Variants in HS6ST3 observed in about 807,000 individuals in gnomAD.
The protein encoded by HS6ST3 is heparan-sulfate 6-O-sulfotransferase 3.
Under a neutral mutation model 36.7 loss-of-function variants are expected in HS6ST3, and 12 were observed. The ratio of observed to expected loss-of-function variants is 0.33; its 90% confidence interval spans 0.21 to 0.53. HS6ST3 has a LOEUF of 0.53. Among genes scored for constraint, HS6ST3 ranks in the 20% least tolerant of loss-of-function variants. The pLI, the probability that HS6ST3 is intolerant of heterozygous loss-of-function variation, is 0.95. For synonymous variants in HS6ST3, 240 were observed against 257.5 expected (o/e 0.93, Z 0.65); for missense variants, 584 against 640.9 (o/e 0.91, Z 0.96).
intron 1 of HS6ST3, among the ~76,000 whole-genome samples, chr13:96,362,050 C>T (rs944674804): frequency 2.0e-5 from 3 of 152,082 alleles, no homozygotes; most frequent in Admixed American, 1.3e-4. Flanking sequence ...AGTTTGAGAA[C>T]TGCAGTGCTA....
chr13:96,115,314 A>T (rs375744683), intron 1 of HS6ST3, among the ~76,000 whole-genome samples: 7 of 152,306 alleles, frequency 4.6e-5, no homozygotes, highest in African/African-American at 1.7e-4. Flanking sequence ...ATACACGTAC[A>T]GAATGTACAG....
intron 1 of HS6ST3, among the ~76,000 whole-genome samples, chr13:96,207,699 G>A (rs1160747344): frequency 2.0e-5 from 3 of 152,142 alleles, no homozygotes; most frequent in East Asian, 1.9e-4. Context: ...GGAATTGGAA[G>A]CCATTATCTT....
At chr13:96,313,853 T>C (rs2054954300) in intron 1 of HS6ST3, among the ~76,000 whole-genome samples, 1 of 151,734 alleles carries the variant, frequency 6.6e-6, no homozygotes, top group South Asian at 2.1e-4. Context: ...CTTGACTCTT[T>C]AATTGTAGAC....
chr13:96,117,923 G>A (rs1246627612), intron 1 of HS6ST3, among the ~76,000 whole-genome samples: 1 of 151,456 alleles, frequency 6.6e-6, no homozygotes, highest in Non-Finnish European at 1.5e-5. Context: ...AGGCTGGAGT[G>A]CGGTGGCCTG....
chr13:96,765,180 T>A (rs1003951163), intron 1 of HS6ST3, among the ~76,000 whole-genome samples: 1 of 151,418 alleles, frequency 6.6e-6, no homozygotes, highest in Non-Finnish European at 1.5e-5. Flanking sequence ...TTCACGCCAT[T>A]CTCCTGCCTC....
chr13:96,275,354 G>GTCAT (rs2054742847), intron 1 of HS6ST3, among the ~76,000 whole-genome samples: 1 of 151,990 alleles, frequency 6.6e-6, no homozygotes, highest in African/African-American at 2.4e-5. Context: ...TTCCACCTTT[G>GTCAT]TCATTACTCT....
chr13:96,576,306 C>T (rs1048775473), intron 1 of HS6ST3, among the ~76,000 whole-genome samples: 2 of 152,104 alleles, frequency 1.3e-5, no homozygotes, highest in African/African-American at 2.4e-5. Context: ...CCACGTTTCC[C>T]TTGACAATGT....
rs1397541465 is a variant in HS6ST3, at chr13:96,090,219, C to A, written c.-644C>A. ...GTGCGACTCGCCGGGAGAGGCGTCT[C>A]CGCAGAGGCGCCTCGCCCGCTGCCG... On this transcript the variant is annotated 5_prime_UTR_variant, in exon 1 of 2. Transcript: ENST00000376705. Among the ~76,000 whole-genome samples the A allele has an allele frequency of 6.6e-6, 1 of 151,424 alleles. No homozygotes were observed. The highest frequency in any genetic ancestry group is 1.5e-5 in the Non-Finnish European group (1 of 67,542).
intron 1 of HS6ST3, among the ~76,000 whole-genome samples, chr13:96,602,090 G>A (rs2056423759): frequency 6.6e-6 from 1 of 152,144 alleles, no homozygotes; most frequent in South Asian, 2.1e-4. Context: ...CCCAGTAGGA[G>A]GTGCCCACAG....
intron 1 of HS6ST3, among the ~76,000 whole-genome samples, chr13:96,402,856 A>G (rs2055458503): frequency 6.6e-6 from 1 of 152,214 alleles, no homozygotes; most frequent in African/African-American, 2.4e-5. Context: ...GGCTTTTATG[A>G]AGAAAATTGC....
chr13:96,216,587 G>A lies in HS6ST3; in HGVS notation c.707+125018G>A, dbSNP rs11842574. ...CAACTGGATTAGTGCAAGCTGAAGT[G>A]TCATCATATATACTTCAGATCATTC... On this transcript the variant is annotated intron_variant, in intron 1 of 1. Transcript: ENST00000376705. Among the ~76,000 whole-genome samples, 1,434 of 152,276 alleles carry A rather than the reference G, an allele frequency of 9.4e-3. 23 individuals are homozygous for A. Among genetic ancestry groups the A allele is most frequent in the African/African-American group, 0.033 (1,359 of 41,544 alleles).
intron 1 of HS6ST3, among the ~76,000 whole-genome samples, chr13:96,585,416 T>C (rs1011130291): frequency 2.0e-5 from 3 of 152,176 alleles, no homozygotes; most frequent in Non-Finnish European, 4.4e-5. Flanking sequence ...TATATACACA[T>C]TGTAAAATGA....
Position 96,549,254 on chromosome 13 carries a change from G to T in HS6ST3, c.708-283236G>T, listed in dbSNP as rs1304712409. 2.0e-5 allele frequency among the ~76,000 whole-genome samples: 3 copies of T among 152,054 alleles called. No individual in the cohort carries two copies. The East Asian group carries it at 5.8e-4, about 29-fold the overall frequency. On this transcript the variant is annotated intron_variant, in intron 1 of 1. Transcript: ENST00000376705. ...CACTCAATAAAAATGATTCCTGGAT[G>T]TGTATGCAGAATAAAGAACTTCTGT...
chr13:96,730,372 G>A (rs554334956), intron 1 of HS6ST3, among the ~76,000 whole-genome samples: 3 of 152,016 alleles, frequency 2.0e-5, no homozygotes, highest in South Asian at 4.2e-4. Context: ...TGTGATTGGT[G>A]TTTCAGAATC....
At chr13:96,427,987 A>T (rs1421229353) in intron 1 of HS6ST3, among the ~76,000 whole-genome samples, 1 of 152,278 alleles carries the variant, frequency 6.6e-6, no homozygotes, top group Non-Finnish European at 1.5e-5. Flanking sequence ...TACCCTTTTC[A>T]ATATGAGGGG....
intron 1 of HS6ST3, among the ~76,000 whole-genome samples, chr13:96,450,944 G>C (rs566807877): frequency 6.6e-6 from 1 of 152,202 alleles, no homozygotes; most frequent in East Asian, 1.9e-4. Context: ...CCTATGTGAA[G>C]GCCTCAGTTG....
chr13:96,444,926 T>G (rs1056472450), intron 1 of HS6ST3, among the ~76,000 whole-genome samples: 1 of 152,178 alleles, frequency 6.6e-6, no homozygotes, highest in Admixed American at 6.5e-5. Flanking sequence ...CTCGTAGACA[T>G]ACTCTTTGAA....
chr13:96,318,522 G>T (rs983033366), intron 1 of HS6ST3, among the ~76,000 whole-genome samples: 1 of 147,272 alleles, frequency 6.8e-6, no homozygotes. Context: ...GACAGAGTGA[G>T]ACTCCTTCTC....
At chr13:96,333,030 T>G (rs1049541270) in intron 1 of HS6ST3, among the ~76,000 whole-genome samples, 2 of 152,348 alleles carry the variant, frequency 1.3e-5, no homozygotes, top group Middle Eastern at 3.4e-3. Flanking sequence ...ACTGGCACCT[T>G]GCTCTTGGAC....
Sources: gnomAD v4.1 joint callset for allele counts (sites outside exome capture counted in the v4.1 genomes callset) on GRCh38, gnomAD v4.1.1 for gene constraint, MANE v1.5 for transcripts, NCBI Gene and HGNC (gene_info 2026-07-23, HGNC 2026-07-21) for gene names.